KDELR2: variants seen among roughly 807,000 people sequenced by gnomAD.
KDELR2 encodes ER lumen protein-retaining receptor 2.
A neutral mutation model predicts 23.9 loss-of-function variants in KDELR2; 15 were observed. The ratio of observed to expected loss-of-function variants is 0.63; its 90% CI spans 0.42 to 0.97. The LOEUF (loss-of-function observed/expected upper bound fraction) is 0.97. Among genes scored for constraint, KDELR2 ranks in the 50% least tolerant of loss-of-function variants. The pLI, the probability that KDELR2 is intolerant of heterozygous loss-of-function variation, is 0.00. For synonymous variants in KDELR2, 119 were observed against 106.2 expected (o/e 1.12, Z -0.74); for missense variants, 272 against 254.6 (o/e 1.07, Z -0.46).
intron 1 of KDELR2, chr7:6,482,333 G>A (rs1785918151): frequency 4.3e-6 from 1 of 230,554 alleles, no homozygotes; most frequent in South Asian, 4.6e-5. Context: ...CCTGGGATAA[G>A]CCATATAAAG....
chr7:6,462,056 T>A lies in KDELR2; in HGVS notation c.*1085A>T, dbSNP rs971401138. 1 of 152,118 alleles carries A rather than the reference T, an allele frequency of 6.6e-6. No individual in the cohort carries two copies. Among genetic ancestry groups the A allele is most frequent in the African/African-American group, 2.4e-5 (1 of 41,414 alleles). The allele number at this position is 152,118 out of a possible 1,614,324, so 9.4% of individuals were successfully genotyped here. On this transcript the variant is annotated 3_prime_UTR_variant, in exon 5 of 5. Coordinates refer to ENST00000258739, the MANE Select transcript of KDELR2 (RefSeq NM_006854.4). ...TTTAATATAGTGTTTTTTAGGATGG[T>A]AACATAAGTCATGCAACAGCTCTGT...
At chr7:6,472,294 T>C (rs1477560673) in intron 2 of KDELR2, among the ~76,000 whole-genome samples, 1 of 152,142 alleles carries the variant, frequency 6.6e-6, no homozygotes, top group Non-Finnish European at 1.5e-5. Context: ...TTGATGGGCG[T>C]TATTTCCACT....
chr7:6,483,844 G>A (rs1035485187), intron 1 of KDELR2, 123 bp downstream of exon 1: 2 of 732,958 alleles, frequency 2.7e-6, no homozygotes, highest in Non-Finnish European at 3.7e-6. Context: ...CCGTTAGGCC[G>A]GCCGAGGGGG....
intron 2 of KDELR2, 97 bp downstream of exon 2, chr7:6,474,087 G>A (rs1785706631): frequency 4.1e-6 from 3 of 739,950 alleles, no homozygotes; most frequent in Middle Eastern, 3.0e-4. Context: ...ATTATTTTTG[G>A]AGCATTTTAA....
intron 1 of KDELR2, among the ~76,000 whole-genome samples, chr7:6,480,685 G>T (rs1000579811): frequency 6.6e-6 from 1 of 152,178 alleles, no homozygotes. Flanking sequence ...ACCTTGGTAT[G>T]AGTATTTTCA....
chr7:6,472,382 C>T (rs547948220), intron 2 of KDELR2, among the ~76,000 whole-genome samples: 3 of 152,272 alleles, frequency 2.0e-5, no homozygotes, highest in Admixed American at 6.5e-5. Flanking sequence ...TAAAAAGACA[C>T]GAGCACCTCG....
chr7:6,470,978 G>T (rs1036956523), intron 2 of KDELR2, among the ~76,000 whole-genome samples: 1 of 151,342 alleles, frequency 6.6e-6, no homozygotes, highest in Non-Finnish European at 1.5e-5. Flanking sequence ...TTAGCCGGGC[G>T]TGGTGGCGGG....
At chr7:6,477,023 T>A (rs1442921482) in intron 1 of KDELR2, among the ~76,000 whole-genome samples, 2 of 152,210 alleles carry the variant, frequency 1.3e-5, no homozygotes, top group African/African-American at 2.4e-5. Context: ...ATTCATTTTA[T>A]CTTCATGTCA....
rs1182852584 is a variant in KDELR2, at chr7:6,463,109, G to A, written c.*32C>T. 1 of 1,614,018 alleles carries A rather than the reference G, an allele frequency of 6.2e-7. No individual in the cohort carries two copies. The highest frequency in any genetic ancestry group is 1.3e-5 in the African/African-American group (1 of 74,920). On this transcript the variant is annotated 3_prime_UTR_variant, in exon 5 of 5. Coordinates refer to ENST00000258739, the MANE Select transcript of KDELR2 (RefSeq NM_006854.4). ...GGTAAGAATTCTGTCCGAGCACCCT[G>A]AAGGACAGATGCTGGTGATGGTCTT...
chr7:6,476,208 T>C (rs936578736), intron 1 of KDELR2, among the ~76,000 whole-genome samples: 6 of 152,240 alleles, frequency 3.9e-5, no homozygotes, highest in Non-Finnish European at 8.8e-5. Flanking sequence ...CCTATTCACA[T>C]ACACATCTAA....
chr7:6,462,877 TACAC>T lies in KDELR2; in HGVS notation c.*260_*263del, dbSNP rs1273591537. The T allele has an allele frequency of 1.8e-6, 2 of 1,134,210 alleles. No homozygotes were observed. The highest frequency in any genetic ancestry group is 3.1e-5 in the African/African-American group (2 of 63,598). 70.3% of individuals were successfully genotyped at this position (1,134,210 alleles called of 1,614,324 possible). On this transcript the variant is annotated 3_prime_UTR_variant, in exon 5 of 5. Coordinates refer to ENST00000258739, the MANE Select transcript of KDELR2 (RefSeq NM_006854.4). Reference sequence around the variant, plus strand: ...CTTTTGGAACTATCCCAATTGAAGCTACACACTGAATTTATTAATACAGCATTAA... The same window carrying T: ...CTTTTGGAACTATCCCAATTGAAGCTACTGAATTTATTAATACAGCATTAA...
intron 1 of KDELR2, among the ~76,000 whole-genome samples, chr7:6,477,218 C>T (rs749070971): frequency 4.6e-5 from 7 of 151,388 alleles, no homozygotes; most frequent in African/African-American, 1.2e-4. Flanking sequence ...GTAGCGTCCA[C>T]GCAGGACAGC....
At chr7:6,483,763 C>T (rs963601306) in intron 1 of KDELR2, among the ~76,000 whole-genome samples, 1 of 152,128 alleles carries the variant, frequency 6.6e-6, no homozygotes, top group Admixed American at 6.5e-5. Context: ...AGAGCGGGGT[C>T]CCGCGCTGCG....
chr7:6,469,681 T>C lies in KDELR2; in HGVS notation c.266A>G (p.Asn89Ser), dbSNP rs1319640054. Residue 89 changes from asparagine to serine, a missense_variant, in exon 3 of 5, where the codon AAT becomes AGT. By Grantham distance (46) the Asn-to-Ser change is conservative. Transcript: ENST00000258739. ...AAACTCCACTCGGAAGGTATCATGA[T>C]TTCCATCGTAGGTTGCCTTAAATTT... is the stretch of plus-strand genomic sequence containing the variant. ...YLKFKATYDGNHDTFRVEFLV... is the reference protein window; with the variant it reads ...YLKFKATYDGSHDTFRVEFLV... 6.2e-7 allele frequency: 1 copy of C among 1,614,104 alleles called. No individual in the cohort carries two copies. Among genetic ancestry groups the C allele is most frequent in the South Asian group, 1.1e-5 (1 of 91,080 alleles).
intron 2 of KDELR2, among the ~76,000 whole-genome samples, chr7:6,470,699 AT>A (rs1013784868): frequency 6.6e-6 from 1 of 152,144 alleles, no homozygotes; most frequent in African/African-American, 2.4e-5. Context: ...ACTCCTTATA[AT>A]TTTTGTTTGT....
intron 3 of KDELR2, among the ~76,000 whole-genome samples, chr7:6,467,741 A>T (rs1195373988): frequency 1.3e-5 from 2 of 152,118 alleles, no homozygotes; most frequent in Non-Finnish European, 2.9e-5. Context: ...AGCCTGGGTG[A>T]CAGCGAGACT....
At chr7:6,472,486 A>G (rs907018196) in intron 2 of KDELR2, among the ~76,000 whole-genome samples, 1 of 152,190 alleles carries the variant, frequency 6.6e-6, no homozygotes, top group African/African-American at 2.4e-5. Flanking sequence ...AGGGGGAGAG[A>G]GGATTCTTGC....
At chr7:6,470,427 C>G (rs1785605979) in intron 2 of KDELR2, 1 of 152,102 alleles carries the variant, frequency 6.6e-6, no homozygotes, top group African/African-American at 2.4e-5. Context: ...GGTGAGCGCG[C>G]CCTGTGATGG....
At chr7:6,478,320 A>AT (rs966338491) in intron 1 of KDELR2, among the ~76,000 whole-genome samples, 15 of 151,196 alleles carry the variant, frequency 9.9e-5, no homozygotes, top group South Asian at 2.1e-4. Context: ...CTAATTTTTC[A>AT]TTTTTTTTGT....
Sources: allele counts gnomAD v4.1 joint callset (sites outside exome capture counted in the v4.1 genomes callset), GRCh38; gene constraint gnomAD v4.1.1; transcripts MANE v1.5; gene names NCBI Gene and HGNC (gene_info 2026-07-23, HGNC 2026-07-21).